CASD1: variants seen among roughly 807,000 people sequenced by gnomAD.
CASD1 encodes the protein CAS1 domain sialic acid O acetyltransferase 1, also known as N-acetylneuraminate (7)9-O-acetyltransferase.
In CASD1, 41 loss-of-function variants were observed where a neutral mutation model predicts 100.0. The ratio of observed to expected loss-of-function variants is 0.41; its 90% CI spans 0.32 to 0.53. The LOEUF (loss-of-function observed/expected upper bound fraction) is 0.53. CASD1 is among the 20% of genes least tolerant of loss of function. The pLI is 0.25. For synonymous variants in CASD1, 321 were observed against 315.6 expected, an observed-to-expected ratio of 1.02 and a Z score of -0.18; for missense variants, 774 against 948.7, an observed-to-expected ratio of 0.82 and a Z score of 2.42.
At chr7:94,603,219 G>T in the CASD1 span, 1 of 1,214,306 alleles carries the variant, frequency 8.2e-7, no homozygotes, top group East Asian at 2.4e-5. Context: ...AAGCAGTTCA[G>T]GTTTTAGTCA....
downstream of CASD1, among the ~76,000 whole-genome samples, chr7:94,561,869 C>T (rs1796344770): frequency 6.6e-6 from 1 of 152,096 alleles, no homozygotes; most frequent in South Asian, 2.1e-4. Context: ...TCCTCAGATA[C>T]TTTAGAATGT....
At chr7:94,570,920 TTTGAGTTACTG>T in the CASD1 span, among the ~76,000 whole-genome samples, 1 of 152,238 alleles carries the variant, frequency 6.6e-6, no homozygotes, top group Admixed American at 6.5e-5. Context: ...TTTATATGGC[TTTGAGTTACTG>T]TTGAGAGTCC....
chr7:94,546,729 G>A (rs569571466), intron 12 of CASD1, among the ~76,000 whole-genome samples: 3 of 152,002 alleles, frequency 2.0e-5, no homozygotes, highest in Non-Finnish European at 4.4e-5. Context: ...TATCACCAAA[G>A]TCATATTCAA....
At chr7:94,633,710 A>G in the CASD1 span, among the ~76,000 whole-genome samples, 1 of 152,172 alleles carries the variant, frequency 6.6e-6, no homozygotes, top group Non-Finnish European at 1.5e-5. Flanking sequence ...CATAATGAAA[A>G]TATATGGGTG....
chr7:94,552,697 G>A (rs1796008487), intron 16 of CASD1, among the ~76,000 whole-genome samples: 1 of 152,156 alleles, frequency 6.6e-6, no homozygotes, highest in Non-Finnish European at 1.5e-5. Flanking sequence ...AGCACTTTGG[G>A]AGGCTAAGGC....
chr7:94,576,550 T>C, the CASD1 span, among the ~76,000 whole-genome samples: 1 of 152,238 alleles, frequency 6.6e-6, no homozygotes, highest in Non-Finnish European at 1.5e-5. Context: ...ATGCCTGGTT[T>C]TGCTCTGTGG....
At chr7:94,559,586 C>T (rs909462203), downstream of CASD1, among the ~76,000 whole-genome samples, 13 of 152,186 alleles carry the variant, frequency 8.5e-5, no homozygotes, top group Non-Finnish European at 1.5e-4. Context: ...AGTGCAATGG[C>T]GCAATCTCGG....
the CASD1 span, chr7:94,588,437 T>C: frequency 1.5e-6 from 2 of 1,290,740 alleles, no homozygotes; most frequent in Non-Finnish European, 2.0e-6. Context: ...TTTCATTCAG[T>C]CTTCCTTAAT....
chr7:94,529,011 T>C (rs1794718263), intron 5 of CASD1, among the ~76,000 whole-genome samples: 1 of 152,130 alleles, frequency 6.6e-6, no homozygotes, highest in Non-Finnish European at 1.5e-5. Flanking sequence ...ATAAATAGGC[T>C]TTTGTAGGAT....
chr7:94,542,403 T>G (rs1795450096), intron 10 of CASD1, among the ~76,000 whole-genome samples: 1 of 151,422 alleles, frequency 6.6e-6, no homozygotes, highest in African/African-American at 2.4e-5. Flanking sequence ...GATAAATCAG[T>G]ACTAAATTCA....
At chr7:94,513,161 ACCT>A (rs1793799440) in intron 1 of CASD1, among the ~76,000 whole-genome samples, 1 of 151,766 alleles carries the variant, frequency 6.6e-6, no homozygotes, top group Admixed American at 6.6e-5. Context: ...ACATGGTGAA[ACCT>A]CTTCTTCTTC....
the CASD1 span, among the ~76,000 whole-genome samples, chr7:94,582,424 GCTT>G: frequency 6.6e-6 from 1 of 152,192 alleles, no homozygotes; most frequent in South Asian, 2.1e-4. Flanking sequence ...CACCTGGCCA[GCTT>G]TTTTTCATAT....
At chr7:94,633,418 T>C in the CASD1 span, among the ~76,000 whole-genome samples, 2 of 152,252 alleles carry the variant, frequency 1.3e-5, no homozygotes, top group East Asian at 3.9e-4. Flanking sequence ...CAAAGGGTTA[T>C]GTAAGCAAGT....
chr7:94,552,288 G>A, intron 15 of CASD1, 62 bp from the exon 16 acceptor site: 2 of 1,077,454 alleles, frequency 1.9e-6, no homozygotes, highest in Non-Finnish European at 2.8e-6. Flanking sequence ...AAAAAACACT[G>A]TGAGGCTTAT....
At chr7:94,585,316 T>G in the CASD1 span, 1 of 525,904 alleles carries the variant, frequency 1.9e-6, no homozygotes, top group Non-Finnish European at 3.4e-6. Flanking sequence ...AAAAATGCTT[T>G]AAGTACAAAA....
chr7:94,569,716 T>C, the CASD1 span, among the ~76,000 whole-genome samples: 1 of 151,916 alleles, frequency 6.6e-6, no homozygotes, highest in South Asian at 2.1e-4. Flanking sequence ...AGTACTAGGA[T>C]TACAGGTGTG....
chr7:94,527,715 T>G (rs1794645369), intron 4 of CASD1, among the ~76,000 whole-genome samples: 1 of 152,066 alleles, frequency 6.6e-6, no homozygotes, highest in South Asian at 2.1e-4. Context: ...TTTGTGAGCA[T>G]TATGGACAGA....
At chr7:94,555,407 G>A (rs1584441224) in intron 17 of CASD1, 85 bp from the exon 18 acceptor site, 1 of 1,333,342 alleles carries the variant, frequency 7.5e-7, no homozygotes, top group Admixed American at 2.3e-5. Flanking sequence ...ATGTTATTAT[G>A]CAACCAAATT....
rs533530611 is a variant in CASD1 at position 94,525,541 on chromosome 7, A to G, written c.352-1621A>G. Among the ~76,000 whole-genome samples the G allele has an allele frequency of 2.9e-4, 44 of 152,340 alleles. No individual in the cohort carries two copies. The East Asian group carries it at 8.5e-3, about 29-fold the overall frequency. ...GTATATATCAAACATTATATTAAAA[A>G]AGGAAAAAGAAGAAAGAGATCGAGT... On this transcript the variant is annotated intron_variant, in intron 3 of 17. Coordinates refer to ENST00000297273, the MANE Select transcript of CASD1 (RefSeq NM_022900.5).
Sources: allele counts gnomAD v4.1 joint callset (sites outside exome capture counted in the v4.1 genomes callset), GRCh38; gene constraint gnomAD v4.1.1; transcripts MANE v1.5; gene names NCBI Gene and HGNC (gene_info 2026-07-23, HGNC 2026-07-21).